Variants in STK4 observed in about 807,000 individuals in gnomAD.
The protein encoded by STK4 is serine/threonine-protein kinase 4.
In STK4, 30 loss-of-function variants were observed where a neutral mutation model predicts 64.9. That is an observed-to-expected ratio of 0.46 (90% confidence interval 0.35 to 0.63). The LOEUF (loss-of-function observed/expected upper bound fraction) is 0.63, where lower values mean the gene tolerates loss of function less well. Ranked by LOEUF, STK4 falls within the 20% of genes least tolerant of loss-of-function variation. The probability of loss-of-function intolerance (pLI) is 0.01; values close to 1 mark genes in which losing one functional copy is unlikely to be tolerated. For synonymous variants in STK4, 177 were observed against 199.0 expected, an observed-to-expected ratio of 0.89 and a Z score of 0.93; for missense variants, 466 against 598.5, an observed-to-expected ratio of 0.78 and a Z score of 2.31.
chr20:44,987,119 A>G lies in STK4; in HGVS notation c.361-13A>G. On this transcript the variant is annotated splice_polypyrimidine_tract_variant and intron_variant, in intron 4 of 10. Transcript: ENST00000372806. ...TAAACTGATAGAATTTGAACTTCTTATTCTTTTTTCAGTTAACAGAAGATG... is the reference window on the plus strand; with the variant it reads ...TAAACTGATAGAATTTGAACTTCTTGTTCTTTTTTCAGTTAACAGAAGATG... 6.4e-7 allele frequency: 1 copy of G among 1,572,766 alleles called. No individual in the cohort carries two copies. The highest frequency in any genetic ancestry group is 8.6e-7 in the Non-Finnish European group (1 of 1,159,838).
intron 10 of STK4, among the ~76,000 whole-genome samples, chr20:45,060,685 C>G (rs919626061): frequency 6.6e-6 from 1 of 152,204 alleles, no homozygotes; most frequent in Non-Finnish European, 1.5e-5. Context: ...ATTTCTTGGA[C>G]TGTTGTGAGG....
intron 10 of STK4, among the ~76,000 whole-genome samples, chr20:45,046,523 T>G (rs1199835977): frequency 6.6e-6 from 1 of 151,210 alleles, no homozygotes; most frequent in Non-Finnish European, 1.5e-5. Flanking sequence ...ATACAGGAAA[T>G]ATTTGATATA....
chr20:45,012,564 T>A (rs1386163371), intron 9 of STK4, among the ~76,000 whole-genome samples: 1 of 152,218 alleles, frequency 6.6e-6, no homozygotes, highest in African/African-American at 2.4e-5. Context: ...TTGTTAAATC[T>A]ATTTTTAGAT....
rs143093856 is a variant in STK4, at chr20:45,067,303, C to T, written c.1306-7715C>T. Among the ~76,000 whole-genome samples, 162 of 152,264 alleles carry T rather than the reference C, an allele frequency of 1.1e-3. 3 individuals are homozygous for T. In the South Asian group the frequency reaches 0.011, roughly 10 times the overall value. The stretch of plus-strand genomic sequence containing the variant: ...CACCTGAGACGGGATCAGTCTGACT[C>T]GCCCAACCAGAAGGGATGATGTGTT... On this transcript the variant is annotated intron_variant, in intron 10 of 10. Transcript: ENST00000372806.
At chr20:45,017,498 G>C (rs1186590794) in intron 9 of STK4, among the ~76,000 whole-genome samples, 7 of 152,218 alleles carry the variant, frequency 4.6e-5, no homozygotes, top group Admixed American at 4.6e-4. Context: ...AGTCAGAAAG[G>C]TAGAAATGTG....
chr20:44,967,135 G>A, intron 1 of STK4: 1 of 985,318 alleles, frequency 1.0e-6, no homozygotes, highest in Non-Finnish European at 1.2e-6. Context: ...CAAGGGAGGG[G>A]ATGGTGGAGG....
chr20:44,993,951 C>A (rs2067681936), intron 5 of STK4, among the ~76,000 whole-genome samples: 1 of 151,466 alleles, frequency 6.6e-6, no homozygotes, highest in Admixed American at 6.6e-5. Flanking sequence ...TTCACTCCAG[C>A]CTGGGCAGAA....
chr20:44,993,373 C>T (rs2067670823), intron 5 of STK4, among the ~76,000 whole-genome samples: 1 of 152,120 alleles, frequency 6.6e-6, no homozygotes, highest in African/African-American at 2.4e-5. Context: ...TTAGTGTACA[C>T]TCATTGCTCT....
chr20:45,023,547 G>A lies in STK4; in HGVS notation c.1148-1426G>A, dbSNP rs564476111. 1.1e-4 allele frequency among the ~76,000 whole-genome samples: 16 copies of A among 152,238 alleles called. No homozygotes were observed. The Middle Eastern group carries it at 0.01, about 97-fold the overall frequency. Reference sequence around the variant, plus strand: ...GGCCGTATAAACCCCTATGTTCATGGAAAGCAATGAAAAATACTTCCTGTA... The same window carrying A: ...GGCCGTATAAACCCCTATGTTCATGAAAAGCAATGAAAAATACTTCCTGTA... On this transcript the variant is annotated intron_variant, in intron 9 of 10. Transcript: ENST00000372806.
At chr20:45,038,616 AGTGGTCTT>A (rs1243884941) in intron 10 of STK4, among the ~76,000 whole-genome samples, 1 of 152,006 alleles carries the variant, frequency 6.6e-6, no homozygotes, top group African/African-American at 2.4e-5. Flanking sequence ...ATTGCATCTA[AGTGGTCTT>A]ATTTAATATG....
chr20:45,035,736 T>TA (rs2068517378), intron 10 of STK4, among the ~76,000 whole-genome samples: 1 of 152,190 alleles, frequency 6.6e-6, no homozygotes. Flanking sequence ...CATTTCAAAT[T>TA]AAACTCAGAC....
At chr20:44,999,727 T>C (rs1434598558) in intron 7 of STK4, among the ~76,000 whole-genome samples, 1 of 152,224 alleles carries the variant, frequency 6.6e-6, no homozygotes, top group Non-Finnish European at 1.5e-5. Context: ...TGATCAGTTT[T>C]AGTATGTCTG....
At chr20:44,978,390 A>G (rs1313357658) in intron 2 of STK4, 53 bp from the exon 3 acceptor site, 5 of 1,574,956 alleles carry the variant, frequency 3.2e-6, no homozygotes, top group Non-Finnish European at 4.3e-6. Flanking sequence ...ACCACTTCTT[A>G]TATCTTGGCT....
At chr20:45,014,951 A>G (rs1408007816) in intron 9 of STK4, among the ~76,000 whole-genome samples, 2 of 152,214 alleles carry the variant, frequency 1.3e-5, no homozygotes, top group Non-Finnish European at 2.9e-5. Flanking sequence ...ACTTGTACTT[A>G]GTGCATAAGA....
chr20:45,017,005 G>A (rs1269513694), intron 9 of STK4, among the ~76,000 whole-genome samples: 1 of 152,140 alleles, frequency 6.6e-6, no homozygotes, highest in Non-Finnish European at 1.5e-5. Context: ...AATTTAAGTG[G>A]ATCTATAAAG....
At chr20:45,005,754 T>G (rs546682548) in intron 9 of STK4, among the ~76,000 whole-genome samples, 1 of 152,222 alleles carries the variant, frequency 6.6e-6, no homozygotes, top group South Asian at 2.1e-4. Context: ...TACCTTTGCT[T>G]CTTTAAGCTT....
At chr20:45,060,436 A>G (rs943410552) in intron 10 of STK4, among the ~76,000 whole-genome samples, 6 of 152,222 alleles carry the variant, frequency 3.9e-5, no homozygotes, top group South Asian at 2.1e-4. Context: ...TCTCTGCACT[A>G]TAAATGTGTG....
intron 9 of STK4, among the ~76,000 whole-genome samples, chr20:45,011,708 CATATATATAT>C (rs749788988): frequency 1.2e-5 from 1 of 86,902 alleles, no homozygotes; most frequent in African/African-American, 5.1e-5. Flanking sequence ...GTAGAACATA[CATATATATAT>C]ATATATATAT....
chr20:45,018,241 C>T (rs1186547514), intron 9 of STK4, among the ~76,000 whole-genome samples: 1 of 152,054 alleles, frequency 6.6e-6, no homozygotes, highest in Admixed American at 6.6e-5. Flanking sequence ...TTCCTGCAAA[C>T]ATTCATGCAT....
Sources: allele counts gnomAD v4.1 joint callset (sites outside exome capture counted in the v4.1 genomes callset), GRCh38; gene constraint gnomAD v4.1.1; transcripts MANE v1.5; gene names NCBI Gene and HGNC (gene_info 2026-07-23, HGNC 2026-07-21).